ACTG2: variants seen among roughly 807,000 people sequenced by gnomAD.
ACTG2 encodes actin, gamma-enteric smooth muscle.
In ACTG2, 16 loss-of-function variants were observed where a neutral mutation model predicts 37.6. The ratio of observed to expected loss-of-function variants is 0.43; its 90% confidence interval spans 0.29 to 0.65. ACTG2 has a LOEUF of 0.65. ACTG2 is among the 30% of genes least tolerant of loss of function. ACTG2 has a pLI of 0.18. For synonymous variants in ACTG2, 181 were observed against 179.9 expected, an observed-to-expected ratio of 1.01 and a Z score of -0.05; for missense variants, 238 against 490.9, an observed-to-expected ratio of 0.48 and a Z score of 4.87.
chr2:73,919,295 T>TC, intron 8 of ACTG2, 137 bp from the exon 9 acceptor site: 1 of 1,045,386 alleles, frequency 9.6e-7, no homozygotes, highest in Non-Finnish European at 1.4e-6. Context: ...TTTTGAGCAA[T>TC]AATCTAATCT....
intron 7 of ACTG2, 92 bp from the exon 8 acceptor site, chr2:73,916,492 T>C (rs1680270488): frequency 1.7e-6 from 2 of 1,185,698 alleles, no homozygotes; most frequent in South Asian, 1.5e-5. Flanking sequence ...ACTAGGGTAG[T>C]TGCAACAATC....
chr2:73,909,958 A>T (rs979845301), intron 5 of ACTG2, among the ~76,000 whole-genome samples: 3 of 152,170 alleles, frequency 2.0e-5, no homozygotes, highest in Non-Finnish European at 2.9e-5. Context: ...CTCACACCTG[A>T]AATCCCAGCA....
At chr2:73,894,568 C>T (rs572226927) in intron 1 of ACTG2, among the ~76,000 whole-genome samples, 1 of 152,240 alleles carries the variant, frequency 6.6e-6, no homozygotes, top group East Asian at 1.9e-4. Context: ...GGAGAGGCTT[C>T]TGCAGTTACT....
Position 73,913,558 on chromosome 2 carries a change from C to T in ACTG2, c.525C>T (p.Ala175=). The change falls in exon 6 of 9, where the codon GCC becomes GCT. Residue 175 remains alanine, a synonymous_variant. Transcript: ENST00000345517. ...PIYEGYALPH[A]IMRLDLAGRD... is the part of the protein sequence containing the mutation. ...ATGAAGGCTATGCCCTGCCCCATGCCATCATGCGCCTGGACTTGGCTGGCC... is the reference window on the plus strand; with the variant it reads ...ATGAAGGCTATGCCCTGCCCCATGCTATCATGCGCCTGGACTTGGCTGGCC... 6.2e-7 allele frequency: 1 copy of T among 1,614,064 alleles called. No individual in the cohort carries two copies. Among genetic ancestry groups the T allele is most frequent in the Non-Finnish European group, 8.5e-7 (1 of 1,179,970 alleles).
At chr2:73,912,571 A>AT (rs1680162169) in intron 5 of ACTG2, among the ~76,000 whole-genome samples, 1 of 152,172 alleles carries the variant, frequency 6.6e-6, no homozygotes, top group South Asian at 2.1e-4. Context: ...GTTGCCTCTC[A>AT]TTTTTATTAT....
chr2:73,912,086 T>C (rs1680151172), intron 5 of ACTG2, among the ~76,000 whole-genome samples: 1 of 152,224 alleles, frequency 6.6e-6, no homozygotes, highest in African/African-American at 2.4e-5. Context: ...TTTCACTGCA[T>C]GTGATAAGGA....
At chr2:73,904,274 AAAGG>A (rs1293180377) in intron 3 of ACTG2, among the ~76,000 whole-genome samples, 10 of 142,772 alleles carry the variant, frequency 7.0e-5, no homozygotes, top group Non-Finnish European at 1.4e-4. Flanking sequence ...AAAAAAAAAG[AAAGG>A]AAGGAAGGAA....
chr2:73,919,605 C>G lies in ACTG2; in HGVS notation c.*30C>G. The G allele has an allele frequency of 6.2e-7, 1 of 1,606,732 alleles. No individual in the cohort carries two copies. The highest frequency in any genetic ancestry group is 1.7e-4 in the Middle Eastern group (1 of 6,012). On this transcript the variant is annotated 3_prime_UTR_variant, in exon 9 of 9. Coordinates refer to ENST00000345517, the MANE Select transcript of ACTG2 (RefSeq NM_001615.4). Reference sequence around the variant, plus strand: ...AGAACAGGTTCTCCAAGGATCCCCTCGAGACTACTCTGTTACCAGTCATGA... The same window carrying G: ...AGAACAGGTTCTCCAAGGATCCCCTGGAGACTACTCTGTTACCAGTCATGA...
Position 73,905,895 on chromosome 2 carries a change from T to C in ACTG2, c.256-2778T>C, listed in dbSNP as rs1680005225. On this transcript the variant is annotated intron_variant, in intron 3 of 8. Coordinates refer to ENST00000345517, the MANE Select transcript of ACTG2 (RefSeq NM_001615.4). ...AATAGTAATGTGATTAAATATATGA[T>C]AGTATATGATAAAATGTTATATAAG... is the stretch of plus-strand genomic sequence containing the variant. Among the ~76,000 whole-genome samples, 4 of 151,964 alleles carry C rather than the reference T, an allele frequency of 2.6e-5. No homozygotes were observed. The South Asian group carries it at 8.3e-4, about 32-fold the overall frequency.
At chr2:73,907,984 G>A (rs62150735) in intron 3 of ACTG2, among the ~76,000 whole-genome samples, 3 of 152,184 alleles carry the variant, frequency 2.0e-5, no homozygotes, top group African/African-American at 7.2e-5. Flanking sequence ...ACTCAGCTGC[G>A]GTTTTGAAAT....
chr2:73,919,859 C>A lies in ACTG2; in HGVS notation c.*284C>A, dbSNP rs1301893639. On this transcript the variant is annotated 3_prime_UTR_variant, in exon 9 of 9. Transcript: ENST00000345517. The stretch of plus-strand genomic sequence containing the variant: ...TCCAGATTAAAATTCAAGTATCTGA[C>A]TGCAAAGCTAGTGCTCCTTCTACTG... 5 of 274,680 alleles carry A rather than the reference C, an allele frequency of 1.8e-5. No individual in the cohort carries two copies. Among genetic ancestry groups the A allele is most frequent in the Non-Finnish European group, 3.4e-5 (5 of 147,120 alleles). The allele number at this position is 274,680 out of a possible 1,614,324, so 17.0% of individuals were successfully genotyped here. A position where few individuals can be genotyped will look rare whatever the true frequency, so the allele number is the denominator to read the frequency against.
At chr2:73,905,422 A>T (rs1308892440) in intron 3 of ACTG2, among the ~76,000 whole-genome samples, 1 of 152,196 alleles carries the variant, frequency 6.6e-6, no homozygotes, top group Non-Finnish European at 1.5e-5. Context: ...GCAATGAGGG[A>T]TTAATATGAA....
chr2:73,912,956 T>G (rs538073122), intron 5 of ACTG2, among the ~76,000 whole-genome samples: 10 of 151,998 alleles, frequency 6.6e-5, no homozygotes, highest in Admixed American at 1.3e-4. Context: ...TTGCCTGAGG[T>G]CAGGAGTTCA....
intron 2 of ACTG2, 107 bp from the exon 3 acceptor site, chr2:73,902,253 G>A (rs1292221115): frequency 7.5e-7 from 1 of 1,334,970 alleles, no homozygotes; most frequent in African/African-American, 1.5e-5. Context: ...GGGGAAGAAA[G>A]GCTGTTTTTC....
At chr2:73,896,374 A>G (rs1679749569) in intron 1 of ACTG2, among the ~76,000 whole-genome samples, 1 of 150,782 alleles carries the variant, frequency 6.6e-6, no homozygotes, top group Non-Finnish European at 1.5e-5. Context: ...AAGAAAAACC[A>G]TTCTGAGATA....
intron 5 of ACTG2, among the ~76,000 whole-genome samples, chr2:73,911,619 GGTTT>G (rs1680141524): frequency 6.6e-6 from 1 of 152,158 alleles, no homozygotes; most frequent in Non-Finnish European, 1.5e-5. Flanking sequence ...CAGCACAGTA[GGTTT>G]GTTTACACCA....
intron 1 of ACTG2, chr2:73,896,699 G>C (rs959092129): frequency 3.3e-5 from 5 of 152,132 alleles, no homozygotes; most frequent in African/African-American, 9.7e-5. Context: ...GGGTGAGTGA[G>C]CAAATGACTT....
At chr2:73,896,179 T>A (rs831536) in intron 1 of ACTG2, among the ~76,000 whole-genome samples, 103,090 of 150,594 alleles carry the variant, frequency 0.68, 36,794 homozygotes, top group Admixed American at 0.79. Context: ...ACAAAAAAAA[T>A]TTTTTTTTGA....
Position 73,901,273 on chromosome 2 carries a change from A to C in ACTG2, c.-36-3A>C. ...CTAGTTCTCTTCTCCCGCAAATCCC[A>C]AGGTGCTCCAGTCCCCAGCTCACTC... On this transcript the variant is annotated splice_region_variant and splice_polypyrimidine_tract_variant and intron_variant, in intron 1 of 8. Coordinates refer to ENST00000345517, the MANE Select transcript of ACTG2 (RefSeq NM_001615.4). The C allele has an allele frequency of 1.3e-6, 2 of 1,516,666 alleles. No individual in the cohort carries two copies. Among genetic ancestry groups the C allele is most frequent in the East Asian group, 4.8e-5 (2 of 41,462 alleles). The allele number at this position is 1,516,666 out of a possible 1,614,324, so 94.0% of individuals were successfully genotyped here. A position where few individuals can be genotyped will look rare whatever the true frequency, so the allele number is the denominator to read the frequency against.
Sources: gnomAD v4.1 joint callset for allele counts (sites outside exome capture counted in the v4.1 genomes callset) on GRCh38, gnomAD v4.1.1 for gene constraint, MANE v1.5 for transcripts, NCBI Gene and HGNC (gene_info 2026-07-23, HGNC 2026-07-21) for gene names.